GBE1: variants seen among roughly 807,000 people sequenced by gnomAD.
GBE1 encodes the protein 1,4-alpha-glucan-branching enzyme.
In GBE1, 70 loss-of-function variants were observed where a neutral mutation model predicts 88.8. That is an observed-to-expected ratio of 0.79 (90% CI 0.65 to 0.96). The LOEUF (loss-of-function observed/expected upper bound fraction) is 0.96, where lower values mean the gene tolerates loss of function less well. Among genes scored for constraint, GBE1 ranks in the 40% least tolerant of loss-of-function variants. GBE1 has a pLI of 0.00. For synonymous variants in GBE1, 284 were observed against 300.1 expected (o/e 0.95, Z 0.56); for missense variants, 872 against 871.0 (o/e 1.00, Z -0.01).
intron 3 of GBE1, among the ~76,000 whole-genome samples, chr3:81,663,833 G>A (rs1053338807): frequency 6.6e-6 from 1 of 152,178 alleles, no homozygotes; most frequent in East Asian, 1.9e-4. Context: ...GGGCACTGAA[G>A]TAGTGAGCCA....
intron 7 of GBE1, among the ~76,000 whole-genome samples, chr3:81,626,573 T>C (rs1360864966): frequency 2.6e-5 from 4 of 151,828 alleles, no homozygotes; most frequent in African/African-American, 9.7e-5. Flanking sequence ...AAACAGGAGA[T>C]GGATACCAGG....
chr3:81,635,808 A>C (rs540842476), intron 7 of GBE1, among the ~76,000 whole-genome samples: 2 of 152,184 alleles, frequency 1.3e-5, no homozygotes, highest in Non-Finnish European at 2.9e-5. Flanking sequence ...AAGAAAGAAA[A>C]TAGAGAGATG....
At chr3:81,500,835 T>C (rs1285876892) in intron 14 of GBE1, among the ~76,000 whole-genome samples, 2 of 152,210 alleles carry the variant, frequency 1.3e-5, no homozygotes, top group African/African-American at 4.8e-5. Flanking sequence ...AAATGCAGAT[T>C]ATATTGTTCC....
intron 1 of GBE1, among the ~76,000 whole-genome samples, chr3:81,756,805 C>T (rs1293567843): frequency 6.6e-6 from 1 of 152,162 alleles, no homozygotes; most frequent in Non-Finnish European, 1.5e-5. Flanking sequence ...TCACTGAGGG[C>T]TAAACCAAAA....
intron 11 of GBE1, among the ~76,000 whole-genome samples, chr3:81,579,255 T>C (rs1195049165): frequency 6.6e-6 from 1 of 151,508 alleles, no homozygotes; most frequent in Admixed American, 6.6e-5. Flanking sequence ...AAATTATATG[T>C]TTATTTATTC....
At chr3:81,541,915 G>GTTTTAT (rs1350825444) in intron 12 of GBE1, among the ~76,000 whole-genome samples, 1 of 151,870 alleles carries the variant, frequency 6.6e-6, no homozygotes, top group East Asian at 1.9e-4. Context: ...CTATTACAAT[G>GTTTTAT]TTTTATTTTT....
At chr3:81,543,423 CA>C (rs1703167783) in intron 12 of GBE1, among the ~76,000 whole-genome samples, 2 of 151,926 alleles carry the variant, frequency 1.3e-5, no homozygotes, top group Non-Finnish European at 2.9e-5. Flanking sequence ...ATATTTGGTT[CA>C]AAACCATAAA....
At chr3:81,526,585 C>CA (rs1387307045) in intron 14 of GBE1, among the ~76,000 whole-genome samples, 1 of 151,992 alleles carries the variant, frequency 6.6e-6, no homozygotes, top group African/African-American at 2.4e-5. Context: ...AACAGACAAA[C>CA]AGAGAGCCAA....
chr3:81,606,265 T>C (rs763183365), intron 7 of GBE1, among the ~76,000 whole-genome samples: 5 of 152,220 alleles, frequency 3.3e-5, no homozygotes, highest in South Asian at 2.1e-4. Context: ...TCAACTGTTA[T>C]ATACTTTTTA....
intron 1 of GBE1, among the ~76,000 whole-genome samples, chr3:81,706,311 A>T (rs546739136): frequency 2.2e-4 from 34 of 152,298 alleles, no homozygotes; most frequent in African/African-American, 8.2e-4. Context: ...ACAAGAAGAA[A>T]TCACAGATTC....
At chr3:81,548,423 G>C (rs906079264) in intron 12 of GBE1, among the ~76,000 whole-genome samples, 2 of 151,342 alleles carry the variant, frequency 1.3e-5, no homozygotes, top group African/African-American at 2.4e-5. Context: ...ATGTGAAATA[G>C]TGTTTGGCTT....
intron 7 of GBE1, among the ~76,000 whole-genome samples, chr3:81,594,236 C>A (rs1332346434): frequency 2.0e-5 from 3 of 151,962 alleles, no homozygotes; most frequent in African/African-American, 7.2e-5. Flanking sequence ...TTTTTATAGT[C>A]CACAAAGTCA....
At chr3:81,618,803 T>G (rs945123330) in intron 7 of GBE1, among the ~76,000 whole-genome samples, 1 of 152,122 alleles carries the variant, frequency 6.6e-6, no homozygotes, top group African/African-American at 2.4e-5. Context: ...ACTTGCATAC[T>G]TACTTGAAAA....
chr3:81,496,970 A>T (rs1702507790), intron 15 of GBE1, among the ~76,000 whole-genome samples: 1 of 152,206 alleles, frequency 6.6e-6, no homozygotes, highest in Non-Finnish European at 1.5e-5. Flanking sequence ...ATTCTGTTGC[A>T]GGCAGCATTC....
intron 7 of GBE1, among the ~76,000 whole-genome samples, chr3:81,633,132 A>C (rs1265378952): frequency 6.6e-6 from 1 of 152,168 alleles, no homozygotes; most frequent in Non-Finnish European, 1.5e-5. Flanking sequence ...CTCATGAAAA[A>C]AATATTATTA....
intron 2 of GBE1, among the ~76,000 whole-genome samples, chr3:81,677,828 T>C (rs1280910456): frequency 6.6e-6 from 1 of 152,182 alleles, no homozygotes; most frequent in Non-Finnish European, 1.5e-5. Context: ...CACTATTACC[T>C]TGGGGAAACT....
intron 7 of GBE1, among the ~76,000 whole-genome samples, chr3:81,607,420 A>C (rs1365051660): frequency 6.6e-6 from 1 of 151,978 alleles, no homozygotes; most frequent in African/African-American, 2.4e-5. Context: ...TTGGTGGCGC[A>C]CACCTGTAAT....
At position 81,642,925 on chromosome 3, in the gene GBE1, A is replaced by C; in HGVS notation, c.848T>G (p.Val283Gly). ...ATGGCTGTGTACCACATCTAAGAGGACTATGATACCCATGGAATGAGCTGT... is the reference window on the plus strand; with the variant it reads ...ATGGCTGTGTACCACATCTAAGAGGCCTATGATACCCATGGAATGAGCTGT... ...VDTAHSMGII[V>G]LLDVVHSHAS... Residue 283 changes from valine to glycine, a missense_variant, in exon 7 of 16, where the codon GTC becomes GGC. Transcript: ENST00000429644. 1 of 1,612,950 alleles carries C rather than the reference A, an allele frequency of 6.2e-7. No individual in the cohort carries two copies. Among genetic ancestry groups the C allele is most frequent in the Non-Finnish European group, 8.5e-7 (1 of 1,179,182 alleles).
intron 1 of GBE1, among the ~76,000 whole-genome samples, chr3:81,711,809 T>C (rs1331591651): frequency 6.6e-6 from 1 of 151,858 alleles, no homozygotes; most frequent in Non-Finnish European, 1.5e-5. Flanking sequence ...ACAAATGGGA[T>C]CTAATTAAAC....
Sources: gnomAD v4.1 joint callset for allele counts (sites outside exome capture counted in the v4.1 genomes callset) on GRCh38, gnomAD v4.1.1 for gene constraint, MANE v1.5 for transcripts, NCBI Gene and HGNC (gene_info 2026-07-23, HGNC 2026-07-21) for gene names.